Variants in ROBO1 observed in about 807,000 individuals in gnomAD.
The protein encoded by ROBO1 is roundabout guidance receptor 1.
A neutral mutation model predicts 195.9 loss-of-function variants in ROBO1; 149 were observed. The ratio of observed to expected loss-of-function variants is 0.76; its 90% CI spans 0.67 to 0.87. The LOEUF is 0.87. Among genes scored for constraint, ROBO1 ranks in the 40% least tolerant of loss-of-function variants. The pLI, the probability that ROBO1 is intolerant of heterozygous loss-of-function variation, is 0.00. For synonymous variants in ROBO1, 816 were observed against 733.2 expected (o/e 1.11, Z -1.82); for missense variants, 1,933 against 2,068.3 (o/e 0.93, Z 1.27).
chr3:79,082,979 C>T (rs556777409), intron 3 of ROBO1, among the ~76,000 whole-genome samples: 12 of 152,242 alleles, frequency 7.9e-5, no homozygotes, highest in Middle Eastern at 6.8e-3. Flanking sequence ...CCTTTAGGAA[C>T]GCCTTATACA....
chr3:78,638,266 T>TGA (rs1553688772), intron 22 of ROBO1, among the ~76,000 whole-genome samples: 6 of 137,346 alleles, frequency 4.4e-5, no homozygotes, highest in African/African-American at 1.1e-4. Context: ...TATATGTATA[T>TGA]GTGTATATAT....
At chr3:79,489,419 G>A (rs1037944323) in intron 2 of ROBO1, among the ~76,000 whole-genome samples, 1 of 152,024 alleles carries the variant, frequency 6.6e-6, no homozygotes, top group African/African-American at 2.4e-5. Context: ...ACTTTGGGAG[G>A]CCGAGGTGGG....
intron 3 of ROBO1, among the ~76,000 whole-genome samples, chr3:79,072,855 T>C (rs938403209): frequency 6.6e-6 from 1 of 151,974 alleles, no homozygotes; most frequent in African/African-American, 2.4e-5. Context: ...ATTTTACACA[T>C]ACATTTAAGT....
At chr3:79,569,122 A>ACG (rs1182394232) in intron 2 of ROBO1, among the ~76,000 whole-genome samples, 7 of 144,182 alleles carry the variant, frequency 4.9e-5, no homozygotes, top group African/African-American at 5.4e-5. Flanking sequence ...GCGCGTGCAC[A>ACG]CGCGCACACA....
At chr3:78,968,911 C>T (rs1435691785) in intron 3 of ROBO1, among the ~76,000 whole-genome samples, 1 of 152,114 alleles carries the variant, frequency 6.6e-6, no homozygotes, top group Admixed American at 6.6e-5. Flanking sequence ...CTTAATGAAT[C>T]TCCATGATAT....
intron 4 of ROBO1, among the ~76,000 whole-genome samples, chr3:78,868,970 T>G (rs745689118): frequency 3.1e-4 from 47 of 152,196 alleles, no homozygotes; most frequent in Middle Eastern, 6.3e-3. Context: ...AAAAGTGATG[T>G]TAAACATATT....
chr3:79,620,816 CTT>C (rs1041866171), intron 1 of ROBO1, among the ~76,000 whole-genome samples: 3 of 152,118 alleles, frequency 2.0e-5, no homozygotes, highest in African/African-American at 7.2e-5. Flanking sequence ...CCACAGCAGG[CTT>C]TAAAAGGGTT....
At chr3:79,435,221 A>C (rs2038842657) in intron 2 of ROBO1, among the ~76,000 whole-genome samples, 1 of 152,134 alleles carries the variant, frequency 6.6e-6, no homozygotes, top group African/African-American at 2.4e-5. Context: ...ATAAAAAATA[A>C]ATAAATAAAA....
intron 5 of ROBO1, among the ~76,000 whole-genome samples, chr3:78,743,364 A>G (rs2108265386): frequency 6.6e-6 from 1 of 152,102 alleles, no homozygotes; most frequent in South Asian, 2.1e-4. Context: ...TAATTGACTC[A>G]GTCACCGACA....
intron 10 of ROBO1, 81 bp downstream of exon 10, chr3:78,685,665 G>A (rs1275427015): frequency 9.4e-6 from 9 of 958,008 alleles, no homozygotes; most frequent in Non-Finnish European, 1.3e-5. Flanking sequence ...TATAAAGTTG[G>A]AAATAAATAT....
intron 3 of ROBO1, among the ~76,000 whole-genome samples, chr3:78,947,081 T>G (rs1179595083): frequency 6.6e-6 from 1 of 151,782 alleles, no homozygotes; most frequent in Non-Finnish European, 1.5e-5. Flanking sequence ...ATGGGAGATT[T>G]TAACACCCCA....
At chr3:79,418,004 G>T (rs1449164921) in intron 2 of ROBO1, among the ~76,000 whole-genome samples, 1 of 152,058 alleles carries the variant, frequency 6.6e-6, no homozygotes, top group Non-Finnish European at 1.5e-5. Flanking sequence ...AAGATAGATA[G>T]CCCTATGAAG....
At chr3:79,695,371 C>T (rs1000311932) in intron 1 of ROBO1, among the ~76,000 whole-genome samples, 2 of 151,560 alleles carry the variant, frequency 1.3e-5, no homozygotes, top group African/African-American at 2.4e-5. Flanking sequence ...GTATTCAATA[C>T]ACCAGTGTTG....
At chr3:78,948,165 T>G (rs2040562448) in intron 3 of ROBO1, among the ~76,000 whole-genome samples, 1 of 152,140 alleles carries the variant, frequency 6.6e-6, no homozygotes. Context: ...CCTCCCTAAC[T>G]CATTTTATGA....
At chr3:79,734,049 G>A (rs1238052028) in intron 1 of ROBO1, among the ~76,000 whole-genome samples, 2 of 151,334 alleles carry the variant, frequency 1.3e-5, no homozygotes, top group Non-Finnish European at 2.9e-5. Flanking sequence ...CCGGGTTCAA[G>A]CAATTCTCCT....
chr3:79,063,510 C>CAAAA (rs11441603), intron 3 of ROBO1, among the ~76,000 whole-genome samples: 4 of 136,490 alleles, frequency 2.9e-5, no homozygotes, highest in Non-Finnish European at 4.7e-5. Flanking sequence ...TTTCTCATTC[C>CAAAA]AAAAAAAAAA....
intron 2 of ROBO1, among the ~76,000 whole-genome samples, chr3:79,528,466 G>C (rs9871445): frequency 2.0e-5 from 3 of 152,008 alleles, no homozygotes; most frequent in Non-Finnish European, 4.4e-5. Context: ...AAATACCTTA[G>C]GTAGATGGCA....
intron 2 of ROBO1, among the ~76,000 whole-genome samples, chr3:79,506,100 TGAAA>T (rs1025933337): frequency 2.0e-5 from 3 of 152,060 alleles, no homozygotes; most frequent in Admixed American, 6.5e-5. Flanking sequence ...TTTATTAAAT[TGAAA>T]GAGAGATCAC....
intron 2 of ROBO1, among the ~76,000 whole-genome samples, chr3:79,221,495 T>A (rs989725782): frequency 1.3e-5 from 2 of 152,244 alleles, no homozygotes; most frequent in Admixed American, 1.3e-4. Context: ...GCTTAACTAT[T>A]TTAGATTAGC....
Sources: allele counts gnomAD v4.1 joint callset (sites outside exome capture counted in the v4.1 genomes callset), GRCh38; gene constraint gnomAD v4.1.1; transcripts MANE v1.5; gene names NCBI Gene and HGNC (gene_info 2026-07-23, HGNC 2026-07-21).